Variants in P2RY12 observed in about 807,000 individuals in gnomAD.
The protein encoded by P2RY12 is P2Y purinoceptor 12.
P2RY12 carries 3 observed loss-of-function variants against 4.5 expected under a neutral mutation model. The observed-to-expected ratio is 0.67, with a 90% CI of 0.31 to 1.74. P2RY12 has a LOEUF of 1.74. P2RY12 is among the 40% of genes most tolerant of loss of function. P2RY12 has a pLI of 0.09. For synonymous variants in P2RY12, 148 were observed against 154.1 expected, an observed-to-expected ratio of 0.96 and a Z score of 0.29; for missense variants, 356 against 407.8, an observed-to-expected ratio of 0.87 and a Z score of 1.09.
intron 1 of P2RY12, among the ~76,000 whole-genome samples, chr3:151,359,790 G>A (rs1009261980): frequency 2.6e-5 from 4 of 152,162 alleles, no homozygotes; most frequent in African/African-American, 9.7e-5. Context: ...GATGGAATCA[G>A]ATGCACAGAT....
chr3:151,374,513 A>G (rs934565570), intron 1 of P2RY12, among the ~76,000 whole-genome samples: 63 of 152,148 alleles, frequency 4.1e-4, no homozygotes, highest in African/African-American at 1.3e-3. Flanking sequence ...GCGCCACTGC[A>G]CTCCAGCCCT....
At chr3:151,345,517 C>CT (rs201731496) in intron 1 of P2RY12, among the ~76,000 whole-genome samples, 19,259 of 131,518 alleles carry the variant, frequency 0.15, 1,785 homozygotes, top group Non-Finnish European at 0.21. Flanking sequence ...TTTTCTTTTT[C>CT]TTTTTTTTTT....
intron 1 of P2RY12, among the ~76,000 whole-genome samples, chr3:151,344,483 G>A (rs1400148485): frequency 6.6e-6 from 1 of 152,004 alleles, no homozygotes; most frequent in Admixed American, 6.6e-5. Flanking sequence ...AGTGTTTTAA[G>A]GCATCTTTTA....
intron 1 of P2RY12, among the ~76,000 whole-genome samples, chr3:151,346,027 G>A (rs766368321): frequency 2.6e-5 from 4 of 152,156 alleles, no homozygotes; most frequent in South Asian, 4.1e-4. Context: ...AGCTCACTAC[G>A]TGCTGCTTTT....
chr3:151,380,228 A>T, intron 1 of P2RY12: 1 of 1,546,602 alleles, frequency 6.5e-7, no homozygotes, highest in Non-Finnish European at 8.9e-7. Flanking sequence ...TAACCAGGTA[A>T]AGTATAGTAT....
Position 151,367,005 on chromosome 3 carries a change from T to C in P2RY12, c.-180+17687A>G, listed in dbSNP as rs551459011. Among the ~76,000 whole-genome samples the C allele has an allele frequency of 7.2e-5, 11 of 152,320 alleles. No homozygotes were observed. The South Asian group carries it at 2.1e-3, about 29-fold the overall frequency. The stretch of plus-strand genomic sequence containing the variant: ...CATAGTCCTTGGCATATGGTGCGAA[T>C]CAGTATGAAGATTGCTATTGTAGTT... On this transcript the variant is annotated intron_variant, in intron 1 of 2. Coordinates refer to ENST00000302632, the MANE Select transcript of P2RY12 (RefSeq NM_022788.5).
chr3:151,368,335 T>C, intron 1 of P2RY12: 1 of 1,198,790 alleles, frequency 8.3e-7, no homozygotes, highest in South Asian at 1.3e-5. Flanking sequence ...TCCCTTTCTG[T>C]AATTGCCTTC....
chr3:151,367,060 C>T (rs1272553586), intron 1 of P2RY12, among the ~76,000 whole-genome samples: 1 of 152,076 alleles, frequency 6.6e-6, no homozygotes, highest in African/African-American at 2.4e-5. Flanking sequence ...GCCAAGGTCA[C>T]GTGAGATCTA....
At chr3:151,355,149 G>A in intron 1 of P2RY12, 4 of 1,613,910 alleles carry the variant, frequency 2.5e-6, no homozygotes, top group Non-Finnish European at 3.4e-6. Flanking sequence ...AAGCCAGGAA[G>A]AACAAACAGG....
intron 1 of P2RY12, among the ~76,000 whole-genome samples, chr3:151,371,354 T>C (rs1203966764): frequency 6.6e-6 from 1 of 152,236 alleles, no homozygotes; most frequent in African/African-American, 2.4e-5. Flanking sequence ...GAAAGCATAC[T>C]ACATTTTGGT....
intron 1 of P2RY12, among the ~76,000 whole-genome samples, chr3:151,341,153 G>A (rs1461377709): frequency 1.3e-5 from 2 of 152,104 alleles, no homozygotes; most frequent in African/African-American, 4.8e-5. Flanking sequence ...CTTCTAACAA[G>A]TAATTATGTT....
chr3:151,353,379 A>T (rs899865345), intron 1 of P2RY12, among the ~76,000 whole-genome samples: 1 of 152,234 alleles, frequency 6.6e-6, no homozygotes, highest in Non-Finnish European at 1.5e-5. Context: ...AATTTCATAC[A>T]TAATTTGTAC....
intron 1 of P2RY12, among the ~76,000 whole-genome samples, chr3:151,356,898 C>A (rs534901305): frequency 6.6e-6 from 1 of 151,878 alleles, no homozygotes; most frequent in East Asian, 1.9e-4. Context: ...AAATAACTTT[C>A]ATTTTATTAA....
intron 1 of P2RY12, among the ~76,000 whole-genome samples, chr3:151,343,447 A>G (rs1752127462): frequency 6.6e-6 from 1 of 152,196 alleles, no homozygotes. Context: ...CCACATACCT[A>G]TTTACAAACC....
chr3:151,344,684 G>C (rs956189186), intron 1 of P2RY12, among the ~76,000 whole-genome samples: 2 of 152,138 alleles, frequency 1.3e-5, no homozygotes, highest in Admixed American at 1.3e-4. Context: ...GCCATATTTT[G>C]TCTTATCAGA....
intron 1 of P2RY12, among the ~76,000 whole-genome samples, chr3:151,372,973 A>G (rs894491490): frequency 6.6e-6 from 1 of 152,088 alleles, no homozygotes; most frequent in South Asian, 2.1e-4. Context: ...TAATTTTTAC[A>G]TTTTGCTACA....
At chr3:151,383,168 A>G (rs11713504) in intron 1 of P2RY12, among the ~76,000 whole-genome samples, 46,110 of 152,174 alleles carry the variant, frequency 0.3, 7,744 homozygotes, top group Non-Finnish European at 0.38. Context: ...AGTTTTATAG[A>G]AATTTAAAAT....
intron 1 of P2RY12, chr3:151,369,684 A>AG: frequency 1.7e-6 from 1 of 572,672 alleles, no homozygotes; most frequent in East Asian, 3.0e-5. Flanking sequence ...TGGAAAAATT[A>AG]GTGGTTTCTC....
intron 1 of P2RY12, among the ~76,000 whole-genome samples, chr3:151,354,472 A>G (rs1203824688): frequency 6.6e-6 from 1 of 152,172 alleles, no homozygotes; most frequent in East Asian, 1.9e-4. Flanking sequence ...TTTTTAAAAA[A>G]TATATTAAAC....
Sources: allele counts gnomAD v4.1 joint callset (sites outside exome capture counted in the v4.1 genomes callset), GRCh38; gene constraint gnomAD v4.1.1; transcripts MANE v1.5; gene names NCBI Gene and HGNC (gene_info 2026-07-23, HGNC 2026-07-21).